Variants in LRRC37A2 observed in about 807,000 individuals in gnomAD.
LRRC37A2 encodes leucine rich repeat containing 37 member A2.
Under a neutral mutation model 68.8 loss-of-function variants are expected in LRRC37A2, and 9 were observed. The observed-to-expected ratio is 0.13, with a 90% CI of 0.08 to 0.23. The LOEUF is 0.23. Among genes scored for constraint, LRRC37A2 ranks in the 10% least tolerant of loss-of-function variants. The pLI, the probability that LRRC37A2 is intolerant of heterozygous loss-of-function variation, is 1.00. For synonymous variants in LRRC37A2, 63 were observed against 367.6 expected, an observed-to-expected ratio of 0.17 and a Z score of 9.48; for missense variants, 168 against 950.4, an observed-to-expected ratio of 0.18 and a Z score of 10.82.
chr17:46,822,065 G>C, the LRRC37A2 span, among the ~76,000 whole-genome samples: 1 of 152,246 alleles, frequency 6.6e-6, no homozygotes, highest in African/African-American at 2.4e-5. Flanking sequence ...AGGCGAAGCC[G>C]TTGCAGCGGG....
At chr17:46,825,829 G>C in the LRRC37A2 span, among the ~76,000 whole-genome samples, 2 of 152,222 alleles carry the variant, frequency 1.3e-5, no homozygotes, top group Non-Finnish European at 2.9e-5. Context: ...TTTGAAACCA[G>C]CCTGGCCAAT....
chr17:46,941,053 G>C, the LRRC37A2 span: 2 of 1,084,342 alleles, frequency 1.8e-6, no homozygotes, highest in Non-Finnish European at 1.1e-6. Flanking sequence ...AAGAAACTCC[G>C]GTAGCCAGCC....
the LRRC37A2 span, among the ~76,000 whole-genome samples, chr17:46,925,525 C>G: frequency 6.6e-6 from 1 of 152,190 alleles, no homozygotes; most frequent in African/African-American, 2.4e-5. Flanking sequence ...TATTTTTCCT[C>G]ATCTGTAGAA....
chr17:46,896,459 A>G, the LRRC37A2 span, among the ~76,000 whole-genome samples: 22 of 143,250 alleles, frequency 1.5e-4, no homozygotes, highest in African/African-American at 6.2e-4. Context: ...AGAAAAAGAA[A>G]GAAAGAAAGA....
chr17:46,822,058 C>A, the LRRC37A2 span, among the ~76,000 whole-genome samples: 2 of 152,174 alleles, frequency 1.3e-5, no homozygotes, highest in Non-Finnish European at 2.9e-5. Context: ...AAGGGAGAGG[C>A]GAAGCCGTTG....
At chr17:46,536,898 G>C (rs1306522549) in intron 6 of LRRC37A2, among the ~76,000 whole-genome samples, 1 of 10,484 alleles carries the variant, frequency 9.5e-5, no homozygotes, top group Non-Finnish European at 1.4e-4. Context: ...TGCTCCCTCT[G>C]GTTGGGGATG....
the LRRC37A2 span, among the ~76,000 whole-genome samples, chr17:46,862,252 T>G: frequency 6.7e-6 from 1 of 149,996 alleles, no homozygotes; most frequent in Non-Finnish European, 1.5e-5. Context: ...ACTTAAAAAA[T>G]AAAAATTAAA....
the LRRC37A2 span, among the ~76,000 whole-genome samples, chr17:46,661,378 T>TTATTA: frequency 1.9e-5 from 2 of 106,564 alleles, no homozygotes; most frequent in African/African-American, 8.8e-5. Context: ...TACATTTCTT[T>TTATTA]TTATTATTAT....
chr17:46,667,411 G>A, the LRRC37A2 span, among the ~76,000 whole-genome samples: 1 of 145,726 alleles, frequency 6.9e-6, no homozygotes, highest in Non-Finnish European at 1.5e-5. Flanking sequence ...ATACTAAAAT[G>A]TACTTTTTAT....
the LRRC37A2 span, among the ~76,000 whole-genome samples, chr17:46,894,983 T>C: frequency 0.12 from 18,238 of 152,202 alleles, 2,187 homozygotes; most frequent in African/African-American, 0.31. Flanking sequence ...TGCTCGCCTG[T>C]CCGCTCTGGG....
At chr17:46,855,535 C>T in the LRRC37A2 span, among the ~76,000 whole-genome samples, 40 of 152,348 alleles carry the variant, frequency 2.6e-4, no homozygotes, top group African/African-American at 9.6e-4. Flanking sequence ...GCTAACAGGG[C>T]TGGTCCTGGC....
the LRRC37A2 span, among the ~76,000 whole-genome samples, chr17:46,790,052 C>T: frequency 6.6e-5 from 10 of 152,092 alleles, no homozygotes; most frequent in South Asian, 4.1e-4. Context: ...AAGTTCAAAG[C>T]GCTGGCTGCC....
At chr17:46,490,993 C>T in the LRRC37A2 span, among the ~76,000 whole-genome samples, 3 of 150,478 alleles carry the variant, frequency 2.0e-5, no homozygotes, top group Non-Finnish European at 4.4e-5. Context: ...CTCCCGGGTT[C>T]AAGCGATTCT....
At chr17:46,755,722 A>ATTT in the LRRC37A2 span, 130 of 1,045,862 alleles carry the variant, frequency 1.2e-4, no homozygotes, top group South Asian at 3.5e-4. Context: ...GCTTTTAGTG[A>ATTT]TTTTTTTTTT....
At chr17:46,907,782 G>A in the LRRC37A2 span, among the ~76,000 whole-genome samples, 2 of 151,490 alleles carry the variant, frequency 1.3e-5, no homozygotes, top group African/African-American at 4.9e-5. Flanking sequence ...CTTGAGCCCA[G>A]GAGTTTGAGG....
chr17:46,798,386 C>A, the LRRC37A2 span, among the ~76,000 whole-genome samples: 3 of 152,174 alleles, frequency 2.0e-5, no homozygotes, highest in Non-Finnish European at 2.9e-5. Flanking sequence ...CTCAGGTTTT[C>A]ATTCTGTCAT....
the LRRC37A2 span, among the ~76,000 whole-genome samples, chr17:46,394,279 TGTTAAA>T: frequency 2.6e-5 from 1 of 39,164 alleles, no homozygotes; most frequent in South Asian, 1.2e-3. Flanking sequence ...AACTGGACTT[TGTTAAA>T]GTTAAAAACT....
chr17:47,011,697 C>T, the LRRC37A2 span, among the ~76,000 whole-genome samples: 6 of 151,894 alleles, frequency 4.0e-5, no homozygotes, highest in Non-Finnish European at 7.4e-5. Context: ...TGAGCCACCA[C>T]GCCAGGCCAG....
At chr17:46,746,836 A>G in the LRRC37A2 span, among the ~76,000 whole-genome samples, 1 of 152,202 alleles carries the variant, frequency 6.6e-6, no homozygotes, top group African/African-American at 2.4e-5. Flanking sequence ...GGATAGTAGT[A>G]GTACTGAATT....
Sources: allele counts gnomAD v4.1 joint callset (sites outside exome capture counted in the v4.1 genomes callset), GRCh38; gene constraint gnomAD v4.1.1; transcripts MANE v1.5; gene names NCBI Gene and HGNC (gene_info 2026-07-23, HGNC 2026-07-21).